NLRP11: variants seen among roughly 807,000 people sequenced by gnomAD.
The protein encoded by NLRP11 is NLR family pyrin domain containing 11, also known as NACHT, LRR and PYD domains-containing protein 11.
NLRP11 carries 53 observed loss-of-function variants against 79.3 expected under a neutral mutation model. The ratio of observed to expected loss-of-function variants is 0.67; its 90% CI spans 0.54 to 0.84. NLRP11 has a LOEUF of 0.84. NLRP11 is among the 40% of genes least tolerant of loss of function. The probability of loss-of-function intolerance (pLI) is 0.00; values close to 1 mark genes in which losing one functional copy is unlikely to be tolerated. For synonymous variants in NLRP11, 518 were observed against 462.6 expected (o/e 1.12, Z -1.54); for missense variants, 1,264 against 1,255.0 (o/e 1.01, Z -0.11).
At chr19:55,805,056 T>C (rs1187050551) in intron 4 of NLRP11, among the ~76,000 whole-genome samples, 3 of 151,890 alleles carry the variant, frequency 2.0e-5, no homozygotes, top group Non-Finnish European at 2.9e-5. Flanking sequence ...AGCAAGACGC[T>C]GACTCAAAAA....
At chr19:55,835,021 G>C (rs902277825), upstream of NLRP11, among the ~76,000 whole-genome samples, 2 of 152,128 alleles carry the variant, frequency 1.3e-5, no homozygotes, top group African/African-American at 4.8e-5. Flanking sequence ...ATGCTCTTAT[G>C]GGTACATGAG....
Position 55,792,223 on chromosome 19 carries a change from A to G in NLRP11, c.2513+78T>C, listed in dbSNP as rs1568627492. The G allele has an allele frequency of 2.3e-6, 3 of 1,279,350 alleles. No homozygotes were observed. The African/African-American group carries it at 4.4e-5, about 19-fold the overall frequency. The allele number at this position is 1,279,350 out of a possible 1,614,324, so 79.2% of individuals were successfully genotyped here. On this transcript the variant is annotated intron_variant, in intron 7 of 9. Transcript: ENST00000589093. ...CCCATGATGCCATCACTGGAATCTT[A>G]TCCCTGCCACCAACCCCACCACCCA... is the stretch of plus-strand genomic sequence containing the variant.
upstream of NLRP11, among the ~76,000 whole-genome samples, chr19:55,833,618 T>A (rs1476487819): frequency 2.7e-5 from 4 of 150,926 alleles, no homozygotes; most frequent in African/African-American, 4.9e-5. Flanking sequence ...TATAAAAAAA[T>A]TTAGCCAGGT....
intron 2 of NLRP11, among the ~76,000 whole-genome samples, chr19:55,810,846 C>G (rs1980539079): frequency 1.3e-5 from 2 of 152,208 alleles, no homozygotes; most frequent in South Asian, 4.1e-4. Flanking sequence ...TCAACTCATA[C>G]AGTGGAGTCG....
intron 5 of NLRP11, among the ~76,000 whole-genome samples, chr19:55,797,657 ACT>A (rs773252926): frequency 1.8e-4 from 27 of 152,098 alleles, no homozygotes; most frequent in Non-Finnish European, 3.7e-4. Context: ...CTGAGCGAAG[ACT>A]CTCACTGAGC....
intron 7 of NLRP11, among the ~76,000 whole-genome samples, chr19:55,790,734 G>C (rs1016849927): frequency 6.6e-6 from 1 of 152,236 alleles, no homozygotes; most frequent in Non-Finnish European, 1.5e-5. Context: ...GGCTGAGACA[G>C]AAGGATCACT....
intron 9 of NLRP11, among the ~76,000 whole-genome samples, chr19:55,786,861 G>C (rs1989911272): frequency 6.6e-6 from 1 of 152,126 alleles, no homozygotes; most frequent in African/African-American, 2.4e-5. Flanking sequence ...AAGAGAATAA[G>C]CAATTTGGAA....
intron 4 of NLRP11, 108 bp downstream of exon 4, chr19:55,807,745 G>T: frequency 1.4e-6 from 1 of 706,284 alleles, no homozygotes; most frequent in Non-Finnish European, 2.3e-6. Context: ...AGGCCCTGAT[G>T]AGCCTGACCT....
At chr19:55,830,675 T>C (rs1982669006) in intron 1 of NLRP11, among the ~76,000 whole-genome samples, 1 of 151,726 alleles carries the variant, frequency 6.6e-6, no homozygotes, top group South Asian at 2.1e-4. Flanking sequence ...AAAATACTTT[T>C]TTTACACCAA....
intron 6 of NLRP11, among the ~76,000 whole-genome samples, chr19:55,793,736 T>G (rs1437611691): frequency 6.6e-6 from 1 of 152,128 alleles, no homozygotes; most frequent in Non-Finnish European, 1.5e-5. Context: ...TTTTGTGCTT[T>G]AAAATGATCG....
At chr19:55,831,429 G>C (rs1052568032) in intron 1 of NLRP11, among the ~76,000 whole-genome samples, 2 of 151,896 alleles carry the variant, frequency 1.3e-5, no homozygotes, top group African/African-American at 4.8e-5. Context: ...ACGTATGCTG[G>C]CGTGTGCCTG....
Position 55,809,343 on chromosome 19 carries a change from T to A in NLRP11, c.1267A>T (p.Thr423Ser), listed in dbSNP as rs1234902545. Residue 423 changes from threonine to serine, a missense_variant, in exon 3 of 10, where the codon ACT (threonine) becomes TCT (serine). Thr to Ser is a moderately conservative substitution (Grantham distance 58). Coordinates refer to ENST00000589093, the Ensembl canonical transcript of NLRP11. The surrounding 1 kb of genome is among the most constrained non-coding windows in gnomAD (Gnocchi z 4.5). ...TGCAACACAGAGACATCAGCCTCAG[T>A]AAACCCAACACATCTGAGGTCTTCA... The A allele has an allele frequency of 4.3e-6, 7 of 1,613,978 alleles. No homozygotes were observed. The highest frequency in any genetic ancestry group is 1.7e-5 in the Admixed American group (1 of 59,988).
At chr19:55,811,051 C>T (rs1980557293) in intron 2 of NLRP11, among the ~76,000 whole-genome samples, 1 of 152,174 alleles carries the variant, frequency 6.6e-6, no homozygotes, top group African/African-American at 2.4e-5. Flanking sequence ...ACGTATTCAG[C>T]TCAAAGTATC....
At chr19:55,806,980 C>A (rs76126630) in intron 4 of NLRP11, among the ~76,000 whole-genome samples, 5 of 152,110 alleles carry the variant, frequency 3.3e-5, no homozygotes, top group African/African-American at 4.8e-5. Context: ...CCTCCCACAC[C>A]CCTAAATACC....
At chr19:55,785,595 T>C (rs762424014) in exon 10 of NLRP11, 1 of 1,582,712 alleles carries the variant, frequency 6.3e-7, no homozygotes, top group Non-Finnish European at 8.6e-7. Flanking sequence ...GGTAGTAATT[T>C]ATAATAAATA....
At chr19:55,787,322 T>C (rs1989939598) in intron 9 of NLRP11, among the ~76,000 whole-genome samples, 1 of 152,170 alleles carries the variant, frequency 6.6e-6, no homozygotes, top group African/African-American at 2.4e-5. Flanking sequence ...TCTTTGCCTC[T>C]AGCATAAGCA....
At chr19:55,811,042 C>T (rs68032494) in intron 2 of NLRP11, among the ~76,000 whole-genome samples, 7,408 of 152,172 alleles carry the variant, frequency 0.049, 192 homozygotes, top group African/African-American at 0.073. Context: ...TTTCCTGGTA[C>T]GTATTCAGCT....
upstream of NLRP11, among the ~76,000 whole-genome samples, chr19:55,833,627 G>A (rs1223729929): frequency 1.3e-5 from 2 of 151,786 alleles, no homozygotes; most frequent in Admixed American, 6.6e-5. Flanking sequence ...ATTTAGCCAG[G>A]TGTGGTGGCG....
chr19:55,798,277 C>T (rs193214411), intron 5 of NLRP11: 20 of 975,282 alleles, frequency 2.1e-5, no homozygotes, highest in East Asian at 2.3e-4. Context: ...GGATTCCAGG[C>T]GTGAGCCGTC....
Sources: allele counts gnomAD v4.1 joint callset (sites outside exome capture counted in the v4.1 genomes callset), GRCh38; gene constraint gnomAD v4.1.1; non-coding constraint Gnocchi (gnomAD v3.1); transcripts MANE v1.5; gene names NCBI Gene and HGNC (gene_info 2026-07-23, HGNC 2026-07-21).